SNTG1: variants seen among roughly 807,000 people sequenced by gnomAD.
The protein encoded by SNTG1 is gamma-1-syntrophin.
A neutral mutation model predicts 74.7 loss-of-function variants in SNTG1; 39 were observed. The ratio of observed to expected loss-of-function variants is 0.52; its 90% confidence interval spans 0.40 to 0.68. The LOEUF is 0.68. SNTG1 is among the 30% of genes least tolerant of loss of function. The pLI is 0.00. For synonymous variants in SNTG1, 254 were observed against 217.1 expected (o/e 1.17, Z -1.49); for missense variants, 685 against 609.5 (o/e 1.12, Z -1.30).
chr8:49,914,203 G>C (rs764944295), intron 1 of SNTG1, among the ~76,000 whole-genome samples: 43 of 151,998 alleles, frequency 2.8e-4, no homozygotes, highest in African/African-American at 1.0e-3. Context: ...CTTCATTATT[G>C]CACAGAATCA....
intron 1 of SNTG1, among the ~76,000 whole-genome samples, chr8:50,038,914 C>T (rs1387253160): frequency 6.6e-6 from 1 of 152,188 alleles, no homozygotes; most frequent in Non-Finnish European, 1.5e-5. Flanking sequence ...GTGTGTTTCA[C>T]ATCAGCTGAT....
chr8:49,917,695 A>G (rs1225234825), intron 1 of SNTG1, among the ~76,000 whole-genome samples: 2 of 152,154 alleles, frequency 1.3e-5, no homozygotes, highest in East Asian at 3.9e-4. Flanking sequence ...TCATCACCAC[A>G]TAGTTCTTTT....
intron 13 of SNTG1, among the ~76,000 whole-genome samples, chr8:50,624,662 C>T (rs1358657372): frequency 6.6e-6 from 1 of 152,184 alleles, no homozygotes; most frequent in Non-Finnish European, 1.5e-5. Flanking sequence ...AAAAGTCATA[C>T]ACGTTTTGTG....
At chr8:50,104,376 T>C (rs2080279898) in intron 1 of SNTG1, among the ~76,000 whole-genome samples, 1 of 152,186 alleles carries the variant, frequency 6.6e-6, no homozygotes, top group African/African-American at 2.4e-5. Flanking sequence ...TCTCTGATGG[T>C]AGTTTGTATT....
At chr8:50,678,951 T>C (rs754982782) in intron 15 of SNTG1, among the ~76,000 whole-genome samples, 8 of 152,082 alleles carry the variant, frequency 5.3e-5, no homozygotes, top group Non-Finnish European at 1.0e-4. Context: ...ACTATATGTG[T>C]ATATGTGTGT....
chr8:50,667,341 G>C (rs541075157), intron 15 of SNTG1, among the ~76,000 whole-genome samples: 3 of 152,080 alleles, frequency 2.0e-5, no homozygotes, highest in East Asian at 1.9e-4. Flanking sequence ...GTCTTTATCT[G>C]TTTTCTGTTG....
At position 50,750,548 on chromosome 8, in the gene SNTG1, T is replaced by C. The variant is rs543975021; in HGVS notation, c.1285-1453T>C. On this transcript the variant is annotated intron_variant, in intron 17 of 18. Transcript: ENST00000642720. ...CAGTCAATCAATGCAGCAGACTTCATTGCTGTCTTATTTTAAGAAATTGTC... is the reference window on the plus strand; with the variant it reads ...CAGTCAATCAATGCAGCAGACTTCACTGCTGTCTTATTTTAAGAAATTGTC... 4.6e-5 allele frequency among the ~76,000 whole-genome samples: 7 copies of C among 152,072 alleles called. No homozygotes were observed. In the East Asian group the frequency reaches 1.2e-3, roughly 25 times the overall value.
chr8:50,780,275 A>T (rs1363805891), intron 18 of SNTG1, among the ~76,000 whole-genome samples: 1 of 152,172 alleles, frequency 6.6e-6, no homozygotes, highest in East Asian at 1.9e-4. Flanking sequence ...TTCAGAAGGA[A>T]TGGTACCAGT....
chr8:50,751,568 C>T (rs928122027), intron 17 of SNTG1, among the ~76,000 whole-genome samples: 6 of 151,900 alleles, frequency 3.9e-5, no homozygotes, highest in African/African-American at 1.2e-4. Context: ...ATGAAAGCAC[C>T]ATGTCAGTTT....
intron 15 of SNTG1, among the ~76,000 whole-genome samples, chr8:50,670,616 C>G (rs370616252): frequency 0.12 from 15,605 of 125,902 alleles, 971 homozygotes; most frequent in Middle Eastern, 0.19. Flanking sequence ...GGCCATACTG[C>G]CCAAGGTAAT....
chr8:50,373,027 C>CTT (rs754700510), intron 2 of SNTG1, among the ~76,000 whole-genome samples: 7,639 of 152,120 alleles, frequency 0.05, 250 homozygotes, highest in Non-Finnish European at 0.07. Context: ...AGCTATTCTG[C>CTT]ATGTATATAA....
chr8:50,099,238 G>T (rs2080037852), intron 1 of SNTG1, among the ~76,000 whole-genome samples: 1 of 152,026 alleles, frequency 6.6e-6, no homozygotes, highest in Non-Finnish European at 1.5e-5. Flanking sequence ...TGGTCTTTGA[G>T]AATTTAGATA....
At chr8:49,930,263 T>TAA (rs5891333) in intron 1 of SNTG1, among the ~76,000 whole-genome samples, 194 of 151,474 alleles carry the variant, frequency 1.3e-3, no homozygotes, top group African/African-American at 4.4e-3. Flanking sequence ...CCAGGAATAG[T>TAA]AAAAAAAATC....
chr8:50,795,728 C>T lies in SNTG1; in HGVS notation c.*2899C>T, dbSNP rs1802780350. 1.3e-5 allele frequency: 2 copies of T among 151,902 alleles called. No homozygotes were observed. The highest frequency in any genetic ancestry group is 2.9e-5 in the Non-Finnish European group (2 of 67,942). The allele number at this position is 151,902 out of a possible 1,614,324, so 9.4% of individuals were successfully genotyped here. A position where few individuals can be genotyped will look rare whatever the true frequency, so the allele number is the denominator to read the frequency against. On this transcript the variant is annotated 3_prime_UTR_variant, in exon 19 of 19. Transcript: ENST00000642720. Reference sequence around the variant, plus strand: ...TAACTACTATAATAATGTCTTTTGCCTGATAAAGAATAACAATTCATCTAA... The same window carrying T: ...TAACTACTATAATAATGTCTTTTGCTTGATAAAGAATAACAATTCATCTAA...
At chr8:50,714,058 CAAAAAAAAA>C (rs34349683) in intron 17 of SNTG1, among the ~76,000 whole-genome samples, 1 of 104,940 alleles carries the variant, frequency 9.5e-6, no homozygotes, top group African/African-American at 3.8e-5. Context: ...GACTCCATTT[CAAAAAAAAA>C]AAAAAAAAAA....
At chr8:50,543,801 G>C (rs920482551) in intron 11 of SNTG1, among the ~76,000 whole-genome samples, 2 of 152,134 alleles carry the variant, frequency 1.3e-5, no homozygotes, top group African/African-American at 4.8e-5. Context: ...TTTTACACTT[G>C]CACCAACAAT....
At chr8:50,681,115 T>A (rs1055255094) in intron 15 of SNTG1, among the ~76,000 whole-genome samples, 30 of 152,146 alleles carry the variant, frequency 2.0e-4, no homozygotes, top group African/African-American at 7.0e-4. Flanking sequence ...ACTAATATAA[T>A]AAATTATAGA....
At chr8:49,928,308 G>A (rs1285487554) in intron 1 of SNTG1, among the ~76,000 whole-genome samples, 1 of 151,196 alleles carries the variant, frequency 6.6e-6, no homozygotes, top group African/African-American at 2.4e-5. Flanking sequence ...GCCGCTCATT[G>A]CAACCTCTGC....
intron 13 of SNTG1, among the ~76,000 whole-genome samples, chr8:50,610,728 G>C (rs969927186): frequency 6.6e-6 from 1 of 152,078 alleles, no homozygotes; most frequent in African/African-American, 2.4e-5. Flanking sequence ...TTCATCGACC[G>C]CTGAGAGTAG....
Sources: gnomAD v4.1 joint callset for allele counts (sites outside exome capture counted in the v4.1 genomes callset) on GRCh38, gnomAD v4.1.1 for gene constraint, MANE v1.5 for transcripts, NCBI Gene and HGNC (gene_info 2026-07-23, HGNC 2026-07-21) for gene names.